SLC24A3: variants seen among roughly 807,000 people sequenced by gnomAD.
SLC24A3 encodes the protein solute carrier family 24 member 3.
In SLC24A3, 28 loss-of-function variants were observed where a neutral mutation model predicts 75.8. The ratio of observed to expected loss-of-function variants is 0.37; its 90% CI spans 0.27 to 0.51. The LOEUF is 0.51. Ranked by LOEUF, SLC24A3 falls within the 20% of genes least tolerant of loss-of-function variation. SLC24A3 has a pLI of 0.94. For synonymous variants in SLC24A3, 372 were observed against 334.1 expected (o/e 1.11, Z -1.24); for missense variants, 663 against 847.8 (o/e 0.78, Z 2.71).
At chr20:19,431,390 G>A (rs539586258) in intron 2 of SLC24A3, among the ~76,000 whole-genome samples, 1 of 152,154 alleles carries the variant, frequency 6.6e-6, no homozygotes, top group Non-Finnish European at 1.5e-5. Context: ...AAGCATCCAC[G>A]TGTGGATGGC....
chr20:19,633,648 C>CAAAAAAAAAAAAAAAAAA (rs61251598), intron 6 of SLC24A3, among the ~76,000 whole-genome samples: 1 of 85,106 alleles, frequency 1.2e-5, no homozygotes, highest in Non-Finnish European at 2.2e-5. Flanking sequence ...GACTCCGTCT[C>CAAAAAAAAAAAAAAAAAA]AAAAAAAAAA....
At chr20:19,287,401 A>T (rs745786288) in intron 2 of SLC24A3, among the ~76,000 whole-genome samples, 6 of 152,254 alleles carry the variant, frequency 3.9e-5, no homozygotes, top group Admixed American at 1.3e-4. Flanking sequence ...GCCCATGTAC[A>T]TCAGTGGAAT....
At chr20:19,471,736 A>C (rs1987875832) in intron 2 of SLC24A3, among the ~76,000 whole-genome samples, 1 of 152,130 alleles carries the variant, frequency 6.6e-6, no homozygotes, top group South Asian at 2.1e-4. Flanking sequence ...GAGGTGGCAA[A>C]GTTTCCTTCC....
At chr20:19,239,766 G>T (rs1005173506) in intron 1 of SLC24A3, among the ~76,000 whole-genome samples, 10 of 152,334 alleles carry the variant, frequency 6.6e-5, no homozygotes, top group African/African-American at 2.4e-4. Flanking sequence ...GGTCCCCCTC[G>T]ATGGCTTTGC....
intron 2 of SLC24A3, among the ~76,000 whole-genome samples, chr20:19,407,321 C>T (rs1252360162): frequency 6.6e-6 from 1 of 152,118 alleles, no homozygotes; most frequent in East Asian, 1.9e-4. Context: ...GGAAAGCATT[C>T]GCCATCTTTA....
At chr20:19,404,748 A>G (rs1276270941) in intron 2 of SLC24A3, among the ~76,000 whole-genome samples, 2 of 152,152 alleles carry the variant, frequency 1.3e-5, no homozygotes, top group Non-Finnish European at 2.9e-5. Context: ...CAACTGCATG[A>G]TGCATGCAGC....
chr20:19,518,284 T>C (rs777090257), intron 3 of SLC24A3, among the ~76,000 whole-genome samples: 2 of 152,228 alleles, frequency 1.3e-5, no homozygotes, highest in Non-Finnish European at 2.9e-5. Flanking sequence ...TTTGAGCCCC[T>C]GCAGAGTAGT....
chr20:19,300,491 A>G (rs1984168996), intron 2 of SLC24A3, among the ~76,000 whole-genome samples: 1 of 152,218 alleles, frequency 6.6e-6, no homozygotes, highest in Non-Finnish European at 1.5e-5. Flanking sequence ...AACTGAGGCT[A>G]GTCACACACA....
rs778336294 is a variant in SLC24A3 at position 19,721,099 on chromosome 20, G to A, written c.1894G>A (p.Val632Met). 20 of 1,613,950 alleles carry A rather than the reference G, an allele frequency of 1.2e-5. No individual in the cohort carries two copies. Among genetic ancestry groups the A allele is most frequent in the Admixed American group, 6.7e-5 (4 of 59,994 alleles). The change falls in exon 17 of 17, where the codon GTG becomes ATG. Residue 632 changes from valine to methionine, a missense_variant. By Grantham distance (21) the Val-to-Met change is conservative. Coordinates refer to ENST00000328041, the MANE Select transcript of SLC24A3 (RefSeq NM_020689.4). ...CTTCTCCATCATGACTGAGTTCAAC[G>A]TGTTCACCTTTGTGAACCTGCCCAT... ...LCFSIMTEFN[V>M]FTFVNLPMCG...
intron 3 of SLC24A3, among the ~76,000 whole-genome samples, chr20:19,573,630 C>T (rs150250742): frequency 3.9e-5 from 6 of 152,286 alleles, no homozygotes; most frequent in East Asian, 1.9e-4. Flanking sequence ...TCCTCAGGGC[C>T]CTGCTGCCCT....
Position 19,329,219 on chromosome 20 carries a change from G to A in SLC24A3, c.271+48132G>A, listed in dbSNP as rs139330456. ...TAGTATAGTAGTTCATAGGGAAAAT[G>A]GGAATAAGATTTTTTTTTTACTGGT... On this transcript the variant is annotated intron_variant, in intron 2 of 16. Coordinates refer to ENST00000328041, the MANE Select transcript of SLC24A3 (RefSeq NM_020689.4). Among the ~76,000 whole-genome samples, 421 of 152,182 alleles carry A rather than the reference G, an allele frequency of 2.8e-3. 4 individuals carry two copies. Among genetic ancestry groups the A allele is most frequent in the African/African-American group, 9.4e-3 (392 of 41,530 alleles).
In SLC24A3 at chr20:19,320,815, C is replaced by T. The variant is rs77073465; in HGVS notation, c.271+39728C>T. Among the ~76,000 whole-genome samples, 1,106 of 151,940 alleles carry T rather than the reference C, an allele frequency of 7.3e-3. 24 individuals are homozygous for T. The East Asian group carries it at 0.075, about 10-fold the overall frequency. ...TACTGTATTGTTTAGGGAATAATTA[C>T]GAGAAAACAGTCTGTACATGTTCAG... On this transcript the variant is annotated intron_variant, in intron 2 of 16. Coordinates refer to ENST00000328041, the MANE Select transcript of SLC24A3 (RefSeq NM_020689.4).
Position 19,232,698 on chromosome 20 carries a change from A to G in SLC24A3, c.142+19714A>G, listed in dbSNP as rs142680612. ...AGTTAGAGAGCTTTTGCATATTGATAGAGAACTCTGTTGGCTAAGCTATCT... is the reference window on the plus strand; with the variant it reads ...AGTTAGAGAGCTTTTGCATATTGATGGAGAACTCTGTTGGCTAAGCTATCT... On this transcript the variant is annotated intron_variant, in intron 1 of 16. Coordinates refer to ENST00000328041, the MANE Select transcript of SLC24A3 (RefSeq NM_020689.4). 3.1e-3 allele frequency among the ~76,000 whole-genome samples: 467 copies of G among 152,358 alleles called. 3 individuals are homozygous for G. Among genetic ancestry groups the G allele is most frequent in the African/African-American group, 0.011 (457 of 41,588 alleles).
chr20:19,329,735 A>G (rs1334840567), intron 2 of SLC24A3, among the ~76,000 whole-genome samples: 2 of 152,166 alleles, frequency 1.3e-5, no homozygotes, highest in African/African-American at 4.8e-5. Flanking sequence ...TTCCCCCTTC[A>G]TAGCTAAGTG....
chr20:19,431,257 G>A (rs1172691789), intron 2 of SLC24A3, among the ~76,000 whole-genome samples: 12 of 151,970 alleles, frequency 7.9e-5, no homozygotes, highest in Non-Finnish European at 4.4e-5. Context: ...AGGATGCAAG[G>A]GTTTTATAAG....
At chr20:19,536,730 C>A (rs1386428537) in intron 3 of SLC24A3, among the ~76,000 whole-genome samples, 2 of 152,146 alleles carry the variant, frequency 1.3e-5, no homozygotes, top group Non-Finnish European at 2.9e-5. Flanking sequence ...CGCATATCTA[C>A]AACTATCTGA....
intron 1 of SLC24A3, among the ~76,000 whole-genome samples, chr20:19,258,776 A>G (rs548426328): frequency 1.3e-5 from 2 of 152,232 alleles, no homozygotes; most frequent in South Asian, 4.2e-4. Flanking sequence ...TCCACCAAGC[A>G]CTGGCTTTTC....
intron 1 of SLC24A3, among the ~76,000 whole-genome samples, chr20:19,221,860 A>G (rs930664477): frequency 6.6e-6 from 1 of 152,058 alleles, no homozygotes; most frequent in Non-Finnish European, 1.5e-5. Context: ...ATTTTCTTGG[A>G]TCTTTCACCA....
intron 2 of SLC24A3, among the ~76,000 whole-genome samples, chr20:19,417,911 G>T (rs1600472868): frequency 6.6e-6 from 1 of 152,176 alleles, no homozygotes; most frequent in East Asian, 1.9e-4. Context: ...TACTCTCTAG[G>T]TAGGAAGTTG....
Sources: gnomAD v4.1 joint callset for allele counts (sites outside exome capture counted in the v4.1 genomes callset) on GRCh38, gnomAD v4.1.1 for gene constraint, MANE v1.5 for transcripts, NCBI Gene and HGNC (gene_info 2026-07-23, HGNC 2026-07-21) for gene names.